Variants in ACYP2 observed in about 807,000 individuals in gnomAD.
ACYP2 encodes acylphosphatase-2.
ACYP2 carries 12 observed loss-of-function variants against 11.2 expected under a neutral mutation model. The ratio of observed to expected loss-of-function variants is 1.08; its 90% CI spans 0.69 to 1.74. ACYP2 has a LOEUF of 1.74. ACYP2 is among the 40% of genes most tolerant of loss of function. The probability of loss-of-function intolerance (pLI) is 0.00; values close to 1 mark genes in which losing one functional copy is unlikely to be tolerated. For synonymous variants in ACYP2, 43 were observed against 32.2 expected, an observed-to-expected ratio of 1.33 and a Z score of -1.13; for missense variants, 134 against 101.9, an observed-to-expected ratio of 1.31 and a Z score of -1.35.
In ACYP2 at chr2:54,249,960, A is replaced by G. The variant is rs921507477; in HGVS notation, c.405-54728A>G. Among the ~76,000 whole-genome samples, 8 of 151,516 alleles carry G rather than the reference A, an allele frequency of 5.3e-5. No homozygotes were observed. In the East Asian group the frequency reaches 9.7e-4, roughly 18 times the overall value. ...TGTCTCAAAAAAAAAAAAAAAAAAA[A>G]AAAAAAGAAAACTCACATAGTTTTC... On this transcript the variant is annotated intron_variant, in intron 6 of 6. Coordinates refer to ENST00000607452, the MANE Select transcript of ACYP2 (RefSeq NM_001320586.2).
At chr2:54,264,082 C>T (rs187434589) in intron 6 of ACYP2, among the ~76,000 whole-genome samples, 5 of 152,254 alleles carry the variant, frequency 3.3e-5, no homozygotes, top group Admixed American at 6.5e-5. Context: ...GACGGACCCT[C>T]GCGATGAGTG....
intron 6 of ACYP2, among the ~76,000 whole-genome samples, chr2:54,145,801 A>G (rs998863324): frequency 4.6e-5 from 7 of 152,194 alleles, no homozygotes; most frequent in African/African-American, 1.7e-4. Flanking sequence ...ATATCCATCA[A>G]TATGTATTCC....
intron 6 of ACYP2, among the ~76,000 whole-genome samples, chr2:54,239,008 T>C (rs1248465126): frequency 6.6e-6 from 1 of 152,048 alleles, no homozygotes; most frequent in Non-Finnish European, 1.5e-5. Context: ...ATCCCAACTC[T>C]GGTCTTCTAA....
intron 6 of ACYP2, among the ~76,000 whole-genome samples, chr2:54,280,476 A>T (rs1688802404): frequency 6.6e-6 from 1 of 152,178 alleles, no homozygotes; most frequent in East Asian, 1.9e-4. Context: ...GTTCAGATGA[A>T]GTCATTCAGA....
At chr2:53,996,127 T>A (rs1225648494) in intron 2 of ACYP2, among the ~76,000 whole-genome samples, 1 of 151,240 alleles carries the variant, frequency 6.6e-6, no homozygotes, top group Non-Finnish European at 1.5e-5. Context: ...AGAGCGAAAC[T>A]CTGTCCCCAC....
At chr2:54,232,264 C>G (rs74374177) in intron 6 of ACYP2, among the ~76,000 whole-genome samples, 2 of 152,276 alleles carry the variant, frequency 1.3e-5, no homozygotes, top group East Asian at 3.9e-4. Flanking sequence ...GACATGACAT[C>G]TTTGTACTAC....
At chr2:54,034,830 A>G (rs1247292896) in intron 2 of ACYP2, among the ~76,000 whole-genome samples, 5 of 151,772 alleles carry the variant, frequency 3.3e-5, no homozygotes, top group African/African-American at 7.3e-5. Context: ...CCAACATAGT[A>G]AAACCCCGTC....
chr2:54,231,714 A>T (rs912258229), intron 6 of ACYP2, among the ~76,000 whole-genome samples: 2 of 152,236 alleles, frequency 1.3e-5, no homozygotes, highest in Non-Finnish European at 2.9e-5. Flanking sequence ...TGGCATCTAG[A>T]CTTTAAGATG....
intron 6 of ACYP2, among the ~76,000 whole-genome samples, chr2:54,150,774 C>T (rs1682126592): frequency 7.4e-6 from 1 of 135,458 alleles, no homozygotes; most frequent in East Asian, 2.2e-4. Context: ...CGGAGTCTTG[C>T]TCTGTCGCCC....
chr2:54,067,033 C>T (rs1307427675), intron 4 of ACYP2, among the ~76,000 whole-genome samples: 1 of 152,226 alleles, frequency 6.6e-6, no homozygotes, highest in Non-Finnish European at 1.5e-5. Context: ...GTCAGAGCCT[C>T]TGTCTCCTCT....
At chr2:54,110,493 T>C (rs1679402750) in intron 4 of ACYP2, among the ~76,000 whole-genome samples, 1 of 152,192 alleles carries the variant, frequency 6.6e-6, no homozygotes, top group African/African-American at 2.4e-5. Flanking sequence ...AAACAAGGTA[T>C]ATGTATTGAA....
At chr2:54,063,010 C>A (rs1336727772) in intron 4 of ACYP2, among the ~76,000 whole-genome samples, 1 of 152,300 alleles carries the variant, frequency 6.6e-6, no homozygotes, top group Middle Eastern at 3.4e-3. Flanking sequence ...TGAAGCCCAT[C>A]TGTGTGTCAG....
intron 6 of ACYP2, among the ~76,000 whole-genome samples, chr2:54,153,713 C>G (rs913540320): frequency 1.3e-5 from 2 of 151,540 alleles, no homozygotes; most frequent in African/African-American, 4.8e-5. Context: ...CATTCTCCTG[C>G]CTCAGCCTCT....
chr2:54,178,749 A>G (rs1383385313), intron 6 of ACYP2, among the ~76,000 whole-genome samples: 1 of 152,202 alleles, frequency 6.6e-6, no homozygotes, highest in East Asian at 1.9e-4. Context: ...TAACTTGAGT[A>G]AAAATAGCAC....
At chr2:54,289,630 A>T (rs1689218475) in intron 6 of ACYP2, among the ~76,000 whole-genome samples, 1 of 152,024 alleles carries the variant, frequency 6.6e-6, no homozygotes, top group South Asian at 2.1e-4. Context: ...CATTTAACAC[A>T]TTTGTGCCGA....
At chr2:54,002,265 G>A (rs554181511) in intron 2 of ACYP2, among the ~76,000 whole-genome samples, 1 of 152,178 alleles carries the variant, frequency 6.6e-6, no homozygotes, top group East Asian at 1.9e-4. Flanking sequence ...ACAGTATGTA[G>A]TGTTTTCCAA....
At chr2:54,245,710 ATTTTT>A (rs201904157) in intron 6 of ACYP2, among the ~76,000 whole-genome samples, 1 of 142,860 alleles carries the variant, frequency 7.0e-6, no homozygotes, top group Non-Finnish European at 1.5e-5. Flanking sequence ...TTTTAATCAG[ATTTTT>A]TTTTTTTTGC....
At chr2:54,039,187 G>C (rs1185513044) in intron 2 of ACYP2, among the ~76,000 whole-genome samples, 2 of 148,388 alleles carry the variant, frequency 1.3e-5, no homozygotes, top group African/African-American at 4.9e-5. Context: ...AATTTTTCAA[G>C]TTGAACTTTT....
At chr2:54,135,863 G>T (rs1014877932) in intron 5 of ACYP2, among the ~76,000 whole-genome samples, 1 of 152,152 alleles carries the variant, frequency 6.6e-6, no homozygotes, top group Admixed American at 6.6e-5. Flanking sequence ...TGGTTCCCAG[G>T]ATTTAGCAGA....
Sources: allele counts gnomAD v4.1 joint callset (sites outside exome capture counted in the v4.1 genomes callset), GRCh38; gene constraint gnomAD v4.1.1; transcripts MANE v1.5; gene names NCBI Gene and HGNC (gene_info 2026-07-23, HGNC 2026-07-21).